The following SMOC2 variants were observed in gnomAD, a reference collection of about 807,000 sequenced individuals.
SMOC2 encodes the protein SPARC-related modular calcium-binding protein 2.
SMOC2 carries 39 observed loss-of-function variants against 61.4 expected under a neutral mutation model. The observed-to-expected ratio is 0.64, with a 90% CI of 0.49 to 0.83. The LOEUF is 0.83. Among genes scored for constraint, SMOC2 ranks in the 40% least tolerant of loss-of-function variants. The pLI, the probability that SMOC2 is intolerant of heterozygous loss-of-function variation, is 0.00. For synonymous variants in SMOC2, 247 were observed against 239.9 expected, an observed-to-expected ratio of 1.03 and a Z score of -0.27; for missense variants, 556 against 592.9, an observed-to-expected ratio of 0.94 and a Z score of 0.65.
chr6:168,659,833 A>C (rs112519604), intron 11 of SMOC2, among the ~76,000 whole-genome samples: 1 of 10,482 alleles, frequency 9.5e-5, no homozygotes, highest in Non-Finnish European at 2.0e-4. Context: ...AAGGTTGTTG[A>C]CTGGGTAAGG....
chr6:168,580,345 C>T (rs1458280221), intron 7 of SMOC2, among the ~76,000 whole-genome samples: 3 of 152,136 alleles, frequency 2.0e-5, no homozygotes, highest in Non-Finnish European at 2.9e-5. Context: ...TTCCTTTTCA[C>T]GGGTATTCCT....
At chr6:168,455,328 G>C (rs1368783479) in intron 1 of SMOC2, among the ~76,000 whole-genome samples, 2 of 152,322 alleles carry the variant, frequency 1.3e-5, no homozygotes, top group South Asian at 2.1e-4. Context: ...ACATTTTCCT[G>C]TGTTGTGTCT....
chr6:168,590,841 T>C (rs1318274954), intron 7 of SMOC2, among the ~76,000 whole-genome samples: 2 of 152,224 alleles, frequency 1.3e-5, no homozygotes, highest in Non-Finnish European at 1.5e-5. Flanking sequence ...TTGAACAAAC[T>C]GTCAGACACA....
chr6:168,503,811 T>A (rs184480372), intron 1 of SMOC2, among the ~76,000 whole-genome samples: 1 of 152,186 alleles, frequency 6.6e-6, no homozygotes, highest in Non-Finnish European at 1.5e-5. Context: ...CATCTGTGAC[T>A]CAGTCTAGTG....
chr6:168,472,314 C>T (rs1376744192), intron 1 of SMOC2, among the ~76,000 whole-genome samples: 1 of 152,164 alleles, frequency 6.6e-6, no homozygotes, highest in Non-Finnish European at 1.5e-5. Context: ...GTCCCTTCCC[C>T]CAGTGAATGG....
intron 1 of SMOC2, among the ~76,000 whole-genome samples, chr6:168,444,803 G>A (rs1363174284): frequency 6.6e-6 from 1 of 152,052 alleles, no homozygotes; most frequent in Non-Finnish European, 1.5e-5. Flanking sequence ...CTTTATCATG[G>A]TTGTCATTAT....
chr6:168,477,540 T>C (rs745431435), intron 1 of SMOC2, among the ~76,000 whole-genome samples: 13 of 152,360 alleles, frequency 8.5e-5, no homozygotes, highest in Middle Eastern at 3.4e-3. Flanking sequence ...GTTCTGGACA[T>C]ATAACAGAGC....
chr6:168,649,139 AG>A (rs952710719), intron 9 of SMOC2, among the ~76,000 whole-genome samples: 1 of 152,202 alleles, frequency 6.6e-6, no homozygotes, highest in Non-Finnish European at 1.5e-5. Flanking sequence ...AAGGCGGGGA[AG>A]GGGCCGTCCT....
At position 168,535,720 on chromosome 6, in the gene SMOC2, G is replaced by A. The variant is rs141382597; in HGVS notation, c.464-7905G>A. Among the ~76,000 whole-genome samples, 328 of 152,322 alleles carry A rather than the reference G, an allele frequency of 2.2e-3. 1 individual carries two copies. The highest frequency in any genetic ancestry group is 7.2e-3 in the African/African-American group (301 of 41,574). On this transcript the variant is annotated intron_variant, in intron 4 of 12. Coordinates refer to ENST00000356284, the MANE Select transcript of SMOC2 (RefSeq NM_001166412.2). The surrounding 1 kb of genome is among the most constrained non-coding windows in gnomAD (Gnocchi z 4.6). ...TGGTTTCTTCATCCACAGAAACACC[G>A]AAGTGGCAAAACTGAGGTTGAGCTG...
chr6:168,529,121 G>A (rs1041658384), intron 4 of SMOC2, among the ~76,000 whole-genome samples: 2 of 152,150 alleles, frequency 1.3e-5, no homozygotes, highest in Non-Finnish European at 2.9e-5. Context: ...ATAGTGGCTT[G>A]TTTCTGGAAT....
chr6:168,625,135 G>A (rs1016896860), intron 9 of SMOC2, among the ~76,000 whole-genome samples: 10 of 152,208 alleles, frequency 6.6e-5, no homozygotes, highest in African/African-American at 2.4e-4. Flanking sequence ...TGCTCCCCAA[G>A]GTCACGAGAT....
chr6:168,608,707 T>C (rs1785776455), intron 9 of SMOC2, among the ~76,000 whole-genome samples: 1 of 151,618 alleles, frequency 6.6e-6, no homozygotes, highest in African/African-American at 2.4e-5. Flanking sequence ...CAAAGAAATA[T>C]TGTAATTAAA....
chr6:168,442,398 C>CTG (rs1156524681), intron 1 of SMOC2, among the ~76,000 whole-genome samples: 1 of 152,260 alleles, frequency 6.6e-6, no homozygotes, highest in Admixed American at 6.5e-5. Flanking sequence ...AGCCAACCCG[C>CTG]GGCGGCCGCT....
intron 9 of SMOC2, among the ~76,000 whole-genome samples, chr6:168,608,925 T>G (rs560507186): frequency 3.0e-4 from 45 of 152,292 alleles, no homozygotes; most frequent in Admixed American, 2.6e-3. Flanking sequence ...TTGTTTAGAG[T>G]ACGTGCTTGA....
intron 2 of SMOC2, among the ~76,000 whole-genome samples, chr6:168,518,977 ATGCATG>A (rs1469550236): frequency 5.9e-4 from 81 of 137,676 alleles, no homozygotes; most frequent in African/African-American, 2.1e-3. Flanking sequence ...ACGCGTGTGT[ATGCATG>A]CGTGTGTATG....
intron 1 of SMOC2, among the ~76,000 whole-genome samples, chr6:168,471,152 T>G (rs930611520): frequency 1.3e-5 from 2 of 152,236 alleles, no homozygotes; most frequent in Non-Finnish European, 2.9e-5. Flanking sequence ...TAAGGAGATA[T>G]AACTGTCGCA....
At position 168,453,860 on chromosome 6, in the gene SMOC2, A is replaced by T; in HGVS notation, c.84+12406A>T. On this transcript the variant is annotated intron_variant, in intron 1 of 12. Coordinates refer to ENST00000356284, the MANE Select transcript of SMOC2 (RefSeq NM_001166412.2). The surrounding 1 kb of genome is among the most constrained non-coding windows in gnomAD (Gnocchi z 4.4). ...TGTTTGTCTCTCATTCTTTCTCTGG[A>T]TCTCTGCCATTCTCCATCTCTGTCT... is the stretch of plus-strand genomic sequence containing the variant. 7.5e-6 allele frequency among the ~76,000 whole-genome samples: 1 copy of T among 133,760 alleles called. No individual in the cohort carries two copies. Among genetic ancestry groups the T allele is most frequent in the South Asian group, 2.4e-4 (1 of 4,094 alleles). The allele number at this position is 133,760 out of a possible 152,430, so 87.8% of individuals were successfully genotyped here.
In SMOC2 at chr6:168,573,783, C is replaced by T. The variant is rs570203690; in HGVS notation, c.637+24580C>T. Among the ~76,000 whole-genome samples, 16 of 152,264 alleles carry T rather than the reference C, an allele frequency of 1.1e-4. No individual in the cohort carries two copies. In the East Asian group the frequency reaches 2.7e-3, roughly 26 times the overall value. On this transcript the variant is annotated intron_variant, in intron 7 of 12. Transcript: ENST00000356284. ...ACCAGCCTCATTCTCAGGCAGGTGCCCCCGACGTGGGGGCCCACAGGTTTC... is the reference window on the plus strand; with the variant it reads ...ACCAGCCTCATTCTCAGGCAGGTGCTCCCGACGTGGGGGCCCACAGGTTTC...
In SMOC2 at chr6:168,515,611, C is replaced by A. The variant is rs5026837; in HGVS notation, c.256+5525C>A. Among the ~76,000 whole-genome samples the A allele has an allele frequency of 1.4e-3, 215 of 151,800 alleles. 2 individuals carry two copies. Among genetic ancestry groups the A allele is most frequent in the African/African-American group, 4.8e-3 (199 of 41,384 alleles). ...GGCGGAAGACGGGCCTTGCCCTGAG[C>A]GGCCGGCTCCTTCCTAGGCCTCGCC... is the stretch of plus-strand genomic sequence containing the variant. On this transcript the variant is annotated intron_variant, in intron 2 of 12. Coordinates refer to ENST00000356284, the MANE Select transcript of SMOC2 (RefSeq NM_001166412.2).
Sources: allele counts gnomAD v4.1 joint callset (sites outside exome capture counted in the v4.1 genomes callset), GRCh38; gene constraint gnomAD v4.1.1; non-coding constraint Gnocchi (gnomAD v3.1); transcripts MANE v1.5; gene names NCBI Gene and HGNC (gene_info 2026-07-23, HGNC 2026-07-21).